The following RNF128 variants were observed in gnomAD, a reference collection of about 807,000 sequenced individuals.
The protein encoded by RNF128 is ring finger protein 128.
In RNF128, 13 loss-of-function variants were observed where a neutral mutation model predicts 26.2. The ratio of observed to expected loss-of-function variants is 0.50; its 90% CI spans 0.32 to 0.79. RNF128 has a LOEUF of 0.79. Ranked by LOEUF, RNF128 falls within the 30% of genes least tolerant of loss-of-function variation. RNF128 has a pLI of 0.03. For synonymous variants in RNF128, 149 were observed against 142.5 expected (o/e 1.05, Z -0.32); for missense variants, 315 against 349.7 (o/e 0.90, Z 0.79).
At chrX:106,756,723 A>C (rs1208590186) in intron 1 of RNF128, among the ~76,000 whole-genome samples, 1 of 108,084 alleles carries the variant, frequency 9.3e-6, no homozygotes, top group East Asian at 2.9e-4. Flanking sequence ...CAACAAAAGA[A>C]AAAATTGACA....
chrX:106,713,904 G>T, intron 1 of RNF128, among the ~76,000 whole-genome samples: 1 of 111,565 alleles, frequency 9.0e-6, no homozygotes, highest in East Asian at 2.8e-4. Flanking sequence ...GGCCGGGCGC[G>T]GTGGCTCACG....
upstream of RNF128, among the ~76,000 whole-genome samples, chrX:106,721,778 C>T (rs1929317095): frequency 8.9e-6 from 1 of 112,101 alleles, no homozygotes; most frequent in African/African-American, 3.2e-5. Context: ...GCTATTAATA[C>T]TTAAGAGTCA....
At chrX:106,769,732 G>A (rs1172643417) in intron 1 of RNF128, among the ~76,000 whole-genome samples, 1 of 109,763 alleles carries the variant, frequency 9.1e-6, no homozygotes, top group Non-Finnish European at 1.9e-5. Context: ...TTTAATTGGA[G>A]CATTTAGCCC....
At chrX:106,715,978 A>G (rs1350785010) in intron 1 of RNF128, among the ~76,000 whole-genome samples, 1 of 111,632 alleles carries the variant, frequency 9.0e-6, no homozygotes, top group Non-Finnish European at 1.9e-5. Flanking sequence ...GCCCTAACCT[A>G]CCTTTTCTGC....
At chrX:106,732,869 A>G (rs1052833111) in intron 1 of RNF128, among the ~76,000 whole-genome samples, 3 of 111,656 alleles carry the variant, frequency 2.7e-5, no homozygotes, top group African/African-American at 9.8e-5. Flanking sequence ...TCCAATTAAA[A>G]TGCTTCCATT....
intron 2 of RNF128, among the ~76,000 whole-genome samples, chrX:106,773,539 AT>A (rs1403538684): frequency 9.0e-6 from 1 of 111,551 alleles, no homozygotes; most frequent in Non-Finnish European, 1.9e-5. Context: ...AAAACCTGAT[AT>A]AGCAATATAA....
At chrX:106,715,945 A>G (rs1280862987) in intron 1 of RNF128, among the ~76,000 whole-genome samples, 2 of 111,290 alleles carry the variant, frequency 1.8e-5, no homozygotes, top group Admixed American at 9.6e-5. Flanking sequence ...CAACTCCAAA[A>G]TATGTTATTC....
chrX:106,746,912 A>G (rs1396576691), intron 1 of RNF128, among the ~76,000 whole-genome samples: 1 of 111,348 alleles, frequency 9.0e-6, no homozygotes, highest in Non-Finnish European at 1.9e-5. Context: ...TAGAATTGGA[A>G]TCTGTAACTA....
intron 2 of RNF128, among the ~76,000 whole-genome samples, chrX:106,776,107 C>T (rs919616554): frequency 2.7e-5 from 3 of 112,412 alleles, no homozygotes; most frequent in Admixed American, 9.4e-5. Flanking sequence ...ATGTCCCTTC[C>T]GGGAACAACC....
chrX:106,713,905 G>T (rs918451294), intron 1 of RNF128, among the ~76,000 whole-genome samples: 1 of 111,645 alleles, frequency 9.0e-6, no homozygotes, highest in Non-Finnish European at 1.9e-5. Flanking sequence ...GCCGGGCGCG[G>T]TGGCTCACGC....
In RNF128 at chrX:106,726,808, C is replaced by T; in HGVS notation, c.-106C>T. ...CGTAGCTCGCAGCTCCCCAGTCTCA[C>T]TCCATTCCTTCCCCACCTGGCGCGC... On this transcript the variant is annotated 5_prime_UTR_variant, in exon 1 of 7. Transcript: ENST00000255499. 3.7e-6 allele frequency: 4 copies of T among 1,087,077 alleles called. No homozygotes were observed. The highest frequency in any genetic ancestry group is 4.8e-6 in the Non-Finnish European group (4 of 841,763). 89.6% of individuals were successfully genotyped at this position (1,087,077 alleles called of 1,213,427 possible). A position where few individuals can be genotyped will look rare whatever the true frequency, so the allele number is the denominator to read the frequency against.
intron 1 of RNF128, among the ~76,000 whole-genome samples, chrX:106,703,737 C>T (rs1027747204): frequency 9.0e-6 from 1 of 110,952 alleles, no homozygotes; most frequent in African/African-American, 3.3e-5. Flanking sequence ...TTGGAAGGGT[C>T]ATCAACATAG....
chrX:106,743,844 G>T (rs1929744437), intron 1 of RNF128, among the ~76,000 whole-genome samples: 1 of 111,265 alleles, frequency 9.0e-6, no homozygotes, highest in Non-Finnish European at 1.9e-5. Flanking sequence ...CAAAGACTTG[G>T]AACCAACCCA....
At chrX:106,771,252 G>A (rs756688592) in intron 1 of RNF128, among the ~76,000 whole-genome samples, 15 of 112,492 alleles carry the variant, frequency 1.3e-4, no homozygotes, top group East Asian at 2.8e-4. Context: ...CTCAAACTCC[G>A]TGCTGGGAGA....
chrX:106,774,452 C>T (rs1930430694), intron 2 of RNF128, among the ~76,000 whole-genome samples: 1 of 111,864 alleles, frequency 8.9e-6, no homozygotes, highest in African/African-American at 3.2e-5. Flanking sequence ...TTAACAATTT[C>T]TCCCTCTCCT....
chrX:106,765,846 A>T lies in RNF128; in HGVS notation c.485-7067A>T, dbSNP rs748646337. On this transcript the variant is annotated intron_variant, in intron 1 of 6. Coordinates refer to ENST00000255499, the MANE Select transcript of RNF128 (RefSeq NM_194463.2). Reference sequence around the variant, plus strand: ...CTAACTCGTCATTTATATTAGGTTTATCTCCTAATGCTATCCCCCCCAGCC... The same window carrying T: ...CTAACTCGTCATTTATATTAGGTTTTTCTCCTAATGCTATCCCCCCCAGCC... Among the ~76,000 whole-genome samples the T allele has an allele frequency of 1.4e-4, 15 of 109,506 alleles. No individual in the cohort carries two copies. The East Asian group carries it at 3.1e-3, about 23-fold the overall frequency.
At chrX:106,711,332 C>T (rs1929123627) in intron 1 of RNF128, among the ~76,000 whole-genome samples, 1 of 112,052 alleles carries the variant, frequency 8.9e-6, no homozygotes, top group African/African-American at 3.2e-5. Flanking sequence ...ATTTATGGAG[C>T]AATCACCAGA....
At position 106,785,078 on chromosome X, in the gene RNF128, C is replaced by T. The variant is rs1489975006; in HGVS notation, c.746C>T (p.Ala249Val). ...TTTTTTTTACAGAGGCAATTAAAGG[C>T]AGATGCTAAAAAAGCTATTGGAAGG... ...AQSRKQRQLK[A>V]DAKKAIGRLQ... Residue 249 changes from alanine (A) to valine (V), a missense_variant, in exon 3 of 7, where the codon GCA becomes GTA. Coordinates refer to ENST00000255499, the MANE Select transcript of RNF128 (RefSeq NM_194463.2). The T allele has an allele frequency of 8.5e-7, 1 of 1,180,038 alleles. No individual in the cohort carries two copies. The highest frequency in any genetic ancestry group is 1.1e-6 in the Non-Finnish European group (1 of 882,903).
intron 1 of RNF128, among the ~76,000 whole-genome samples, chrX:106,750,748 G>T (rs1400369729): frequency 9.0e-6 from 1 of 110,928 alleles, no homozygotes; most frequent in Non-Finnish European, 1.9e-5. Flanking sequence ...CAAAAAAAAA[G>T]AGAGAGAGGA....
Sources: gnomAD v4.1 joint callset for allele counts (sites outside exome capture counted in the v4.1 genomes callset) on GRCh38, gnomAD v4.1.1 for gene constraint, MANE v1.5 for transcripts, NCBI Gene and HGNC (gene_info 2026-07-23, HGNC 2026-07-21) for gene names.